GPR84: variants seen among roughly 807,000 people sequenced by gnomAD.
The protein encoded by GPR84 is G-protein coupled receptor 84.
In GPR84, 8 loss-of-function variants were observed where a neutral mutation model predicts 14.9. The ratio of observed to expected loss-of-function variants is 0.54; its 90% CI spans 0.31 to 0.97. The LOEUF (loss-of-function observed/expected upper bound fraction) is 0.97. GPR84 is among the 50% of genes least tolerant of loss of function. The pLI, the probability that GPR84 is intolerant of heterozygous loss-of-function variation, is 0.04. For missense variants in GPR84, 424 were observed against 498.7 expected (o/e 0.85, Z 1.43); for synonymous variants, 164 against 198.1 (o/e 0.83, Z 1.45).
chr12:54,359,755 AAGAG>A (rs1230589270), downstream of GPR84, among the ~76,000 whole-genome samples: 1 of 152,052 alleles, frequency 6.6e-6, no homozygotes, highest in Non-Finnish European at 1.5e-5. Context: ...GCACAACCGC[AAGAG>A]AGAGAAGGCC....
At chr12:54,357,963 TCAACCC>T (rs1048110870), downstream of GPR84, among the ~76,000 whole-genome samples, 5 of 152,138 alleles carry the variant, frequency 3.3e-5, no homozygotes, top group African/African-American at 9.7e-5. Context: ...TACAGGATAG[TCAACCC>T]CTCTTCCTGA....
At chr12:54,364,161 T>A (rs984860680) in intron 1 of GPR84, 1 of 243,406 alleles carries the variant, frequency 4.1e-6, no homozygotes, top group Non-Finnish European at 8.0e-6. Context: ...ATCCCGCTGC[T>A]CTCAGTAAAC....
In GPR84 at chr12:54,362,510, T is replaced by C. The variant is rs1954279305; in HGVS notation, c.*151A>G. On this transcript the variant is annotated 3_prime_UTR_variant, in exon 2 of 2. Transcript: ENST00000267015. The surrounding 1 kb of genome is among the most constrained non-coding windows in gnomAD (Gnocchi z 4.0). ...CCTTGGGCAGTCTAGGGCTGAAACA[T>C]TGATCAAGTGATGGAGAGACTTGAT... The C allele has an allele frequency of 3.0e-6, 2 of 660,276 alleles. No individual in the cohort carries two copies. The highest frequency in any genetic ancestry group is 2.4e-5 in the Admixed American group (1 of 42,340). 40.9% of individuals were successfully genotyped at this position (660,276 alleles called of 1,614,324 possible).
chr12:54,352,162 C>T, the GPR84 span, among the ~76,000 whole-genome samples: 2 of 152,190 alleles, frequency 1.3e-5, no homozygotes, highest in African/African-American at 4.8e-5. Flanking sequence ...AACCCAGAGA[C>T]GCGCACCTGC....
the GPR84 span, among the ~76,000 whole-genome samples, chr12:54,353,136 C>G: frequency 6.6e-6 from 1 of 152,228 alleles, no homozygotes; most frequent in African/African-American, 2.4e-5. Flanking sequence ...ATGAATGGAA[C>G]TTTGGTGCCC....
chr12:54,350,854 T>A, the GPR84 span: 2 of 348,418 alleles, frequency 5.7e-6, no homozygotes, highest in Non-Finnish European at 1.1e-5. Context: ...GTAGCTACAC[T>A]TCAGATTAAA....
At chr12:54,361,991 C>T (rs577200809), downstream of GPR84, among the ~76,000 whole-genome samples, 12 of 152,370 alleles carry the variant, frequency 7.9e-5, no homozygotes, top group African/African-American at 2.4e-4. The surrounding 1 kb of genome is among the most constrained non-coding windows in gnomAD (Gnocchi z 4.3). Flanking sequence ...CCATTCCCTT[C>T]GCACAGAGTG....
the GPR84 span, among the ~76,000 whole-genome samples, chr12:54,355,357 C>T: frequency 7.6e-6 from 1 of 131,268 alleles, no homozygotes; most frequent in African/African-American, 3.0e-5. Context: ...TGTGTGTGCG[C>T]ATGGCACATT....
the GPR84 span, among the ~76,000 whole-genome samples, chr12:54,355,591 A>C: frequency 6.6e-6 from 1 of 150,932 alleles, no homozygotes; most frequent in Admixed American, 6.6e-5. Context: ...GAAGAGCCCC[A>C]TCCCCTCACT....
chr12:54,363,812 C>G lies in GPR84; in HGVS notation c.40G>C (p.Glu14Gln). ...SSDANFSCYH[E>Q]SVLGYRYVAV... ...ACATAACGATAGCCCAGCACAGACT[C>G]ATGGTAGCAGGAGAAGTTGGCGTCA... The change falls in exon 2 of 2, where the codon GAG becomes CAG. Residue 14 changes from glutamate to glutamine, a missense_variant. By Grantham distance (29) the Glu-to-Gln change is conservative. Coordinates refer to ENST00000267015, the MANE Select transcript of GPR84 (RefSeq NM_020370.3). The G allele has an allele frequency of 5.6e-6, 9 of 1,606,618 alleles. No individual in the cohort carries two copies. The highest frequency in any genetic ancestry group is 7.7e-6 in the Non-Finnish European group (9 of 1,175,368).
chr12:54,354,125 T>A, the GPR84 span, among the ~76,000 whole-genome samples: 1 of 151,368 alleles, frequency 6.6e-6, no homozygotes, highest in Non-Finnish European at 1.5e-5. Flanking sequence ...TCTTTTTTTT[T>A]TTTTTTTGAG....
chr12:54,355,126 C>G, the GPR84 span, among the ~76,000 whole-genome samples: 1 of 151,816 alleles, frequency 6.6e-6, no homozygotes, highest in Non-Finnish European at 1.5e-5. Flanking sequence ...ATTGAGAGAC[C>G]GAGGCAGAGG....
At chr12:54,354,439 GT>G in the GPR84 span, among the ~76,000 whole-genome samples, 1 of 150,694 alleles carries the variant, frequency 6.6e-6, no homozygotes, top group Admixed American at 6.6e-5. Context: ...TTGTTTGTTT[GT>G]TTGTTTGTTT....
In GPR84 at chr12:54,363,291, A is replaced by C; in HGVS notation, c.561T>G (p.Phe187Leu). 6.2e-7 allele frequency: 1 copy of C among 1,614,190 alleles called. No homozygotes were observed. The highest frequency in any genetic ancestry group is 1.1e-5 in the South Asian group (1 of 91,090). Reference sequence around the variant, plus strand: ...TGCCAACACTGCTGAGCCCAAGCACAAAGTAGATGCCCATGAGGATGGTGG... The same window carrying C: ...TGCCAACACTGCTGAGCCCAAGCACCAAGTAGATGCCCATGAGGATGGTGG... ...PYTTILMGIY[F>L]VLGLSSVGIF... Residue 187 changes from phenylalanine (F) to leucine (L), a missense_variant, in exon 2 of 2, where the codon TTT becomes TTG. By Grantham distance (22) the Phe-to-Leu change is conservative. Transcript: ENST00000267015.
Position 54,363,803 on chromosome 12 carries a change from G to A in GPR84, c.49C>T (p.Leu17=). The A allele has an allele frequency of 6.2e-7, 1 of 1,610,324 alleles. No homozygotes were observed. The part of the protein sequence containing the change: ...ANFSCYHESV[L]GYRYVAVSWG... ...CTAACTGCAACATAACGATAGCCCA[G>A]CACAGACTCATGGTAGCAGGAGAAG... The change falls in exon 2 of 2, where the codon CTG becomes TTG. Residue 17 remains leucine (L), a synonymous_variant. Coordinates refer to ENST00000267015, the MANE Select transcript of GPR84 (RefSeq NM_020370.3).
the GPR84 span, among the ~76,000 whole-genome samples, chr12:54,353,108 T>G: frequency 6.6e-6 from 1 of 152,204 alleles, no homozygotes; most frequent in Non-Finnish European, 1.5e-5. Flanking sequence ...GTTAAACTCC[T>G]GCCTTCTGTT....
chr12:54,359,302 G>A (rs1160795803), downstream of GPR84, among the ~76,000 whole-genome samples: 1 of 151,928 alleles, frequency 6.6e-6, no homozygotes, highest in Non-Finnish European at 1.5e-5. Flanking sequence ...GTTAAATCAA[G>A]TTCTGTCAGC....
the GPR84 span, among the ~76,000 whole-genome samples, chr12:54,354,596 C>CTTTT: frequency 7.8e-6 from 1 of 128,626 alleles, no homozygotes; most frequent in African/African-American, 2.9e-5. Flanking sequence ...CTATGCCTAG[C>CTTTT]TTTTTTTTTT....
chr12:54,353,963 A>C, the GPR84 span: 1 of 152,242 alleles, frequency 6.6e-6, no homozygotes, highest in Admixed American at 6.5e-5. Flanking sequence ...CTGAGCCTCC[A>C]GACCTTGTCT....
Sources: gnomAD v4.1 joint callset for allele counts (sites outside exome capture counted in the v4.1 genomes callset) on GRCh38, gnomAD v4.1.1 for gene constraint, Gnocchi (gnomAD v3.1) non-coding constraint, MANE v1.5 for transcripts, NCBI Gene and HGNC (gene_info 2026-07-23, HGNC 2026-07-21) for gene names.